The following SLC8A1 variants were observed in gnomAD, a reference collection of about 807,000 sequenced individuals.
SLC8A1 encodes sodium/calcium exchanger 1.
In SLC8A1, 18 loss-of-function variants were observed where a neutral mutation model predicts 68.3. That is an observed-to-expected ratio of 0.26 (90% CI 0.18 to 0.39). SLC8A1 has a LOEUF of 0.39. Among genes scored for constraint, SLC8A1 ranks in the 10% least tolerant of loss-of-function variants. The probability of loss-of-function intolerance (pLI) is 1.00; values close to 1 mark genes in which losing one functional copy is unlikely to be tolerated. For synonymous variants in SLC8A1, 475 were observed against 415.5 expected, an observed-to-expected ratio of 1.14 and a Z score of -1.74; for missense variants, 985 against 1,156.7, an observed-to-expected ratio of 0.85 and a Z score of 2.15.
At chr2:40,110,882 A>G (rs2034514704) in exon 8 of SLC8A1, 1 of 152,032 alleles carries the variant, frequency 6.6e-6, no homozygotes, top group African/African-American at 2.4e-5. Context: ...ACCAGAGAAA[A>G]TTTTCTAATT....
chr2:40,309,199 T>C (rs76181025), intron 2 of SLC8A1, among the ~76,000 whole-genome samples: 1,597 of 152,304 alleles, frequency 0.01, 26 homozygotes, highest in African/African-American at 0.036. Flanking sequence ...GTTTATTCCT[T>C]ATTTATCTTC....
At chr2:40,106,386 G>C (rs1318074012) in exon 8 of SLC8A1, 2 of 151,956 alleles carry the variant, frequency 1.3e-5, no homozygotes, top group Non-Finnish European at 2.9e-5. Context: ...AGAACCAACT[G>C]CTCACAGCTT....
chr2:40,218,759 G>A (rs2057875199), intron 2 of SLC8A1, among the ~76,000 whole-genome samples: 1 of 149,370 alleles, frequency 6.7e-6, no homozygotes, highest in East Asian at 1.9e-4. Flanking sequence ...ATCCTTGCTT[G>A]CAGAGATTGG....
chr2:40,185,960 T>G (rs2050624811), intron 2 of SLC8A1, among the ~76,000 whole-genome samples: 1 of 152,164 alleles, frequency 6.6e-6, no homozygotes, highest in Non-Finnish European at 1.5e-5. Flanking sequence ...GCGCCACTGC[T>G]GTGTCTGTCT....
At chr2:40,324,028 TGG>T (rs376852753) in intron 2 of SLC8A1, among the ~76,000 whole-genome samples, 2 of 135,000 alleles carry the variant, frequency 1.5e-5, no homozygotes, top group African/African-American at 2.8e-5. Flanking sequence ...AAGTTAAAGG[TGG>T]GGGGGGGGCT....
intron 2 of SLC8A1, among the ~76,000 whole-genome samples, chr2:40,383,971 T>C (rs1301618937): frequency 6.6e-6 from 1 of 152,074 alleles, no homozygotes; most frequent in Non-Finnish European, 1.5e-5. Context: ...TAATAAATGG[T>C]AAGCACTGGC....
chr2:40,396,346 T>C (rs1299505507), intron 2 of SLC8A1, among the ~76,000 whole-genome samples: 1 of 152,116 alleles, frequency 6.6e-6, no homozygotes, highest in African/African-American at 2.4e-5. Flanking sequence ...TACTCAACCA[T>C]GAATCTCTAC....
chr2:40,494,205 T>C (rs1705524499), intron 1 of SLC8A1, among the ~76,000 whole-genome samples: 1 of 152,114 alleles, frequency 6.6e-6, no homozygotes, highest in African/African-American at 2.4e-5. Flanking sequence ...TTGTAATTGC[T>C]TTCAGCTACC....
At chr2:40,474,114 C>T (rs1576632439) in intron 1 of SLC8A1, among the ~76,000 whole-genome samples, 1 of 152,138 alleles carries the variant, frequency 6.6e-6, no homozygotes, top group Non-Finnish European at 1.5e-5. Flanking sequence ...TAGACTATCT[C>T]CTTACAAGAC....
intron 2 of SLC8A1, among the ~76,000 whole-genome samples, chr2:40,271,140 GCTTT>G (rs1267719465): frequency 4.0e-5 from 6 of 148,926 alleles, no homozygotes; most frequent in African/African-American, 1.3e-4. Context: ...CTCTCTAATG[GCTTT>G]CTGTCACTTA....
chr2:40,132,856 T>C (rs1467195302), intron 7 of SLC8A1, among the ~76,000 whole-genome samples: 2 of 152,202 alleles, frequency 1.3e-5, no homozygotes, highest in Non-Finnish European at 2.9e-5. Flanking sequence ...TGCTTATGCC[T>C]AGATATAGTG....
chr2:40,481,320 T>G (rs1028501998), intron 1 of SLC8A1, among the ~76,000 whole-genome samples: 1 of 152,238 alleles, frequency 6.6e-6, no homozygotes, highest in Non-Finnish European at 1.5e-5. Context: ...CCATATTTAT[T>G]TGAAAGCAGC....
intron 1 of SLC8A1, among the ~76,000 whole-genome samples, chr2:40,458,686 C>T (rs1024936673): frequency 6.6e-6 from 1 of 152,238 alleles, no homozygotes; most frequent in East Asian, 1.9e-4. Flanking sequence ...AGACAGCAAT[C>T]TGACCGAGCC....
chr2:40,262,429 G>A (rs1024902429), intron 2 of SLC8A1, among the ~76,000 whole-genome samples: 9 of 152,156 alleles, frequency 5.9e-5, no homozygotes, highest in African/African-American at 2.2e-4. Context: ...GTGGTGGACT[G>A]AATAAGATCA....
chr2:40,191,857 T>C (rs375790617), intron 2 of SLC8A1, among the ~76,000 whole-genome samples: 35 of 152,184 alleles, frequency 2.3e-4, no homozygotes, highest in African/African-American at 8.0e-4. Context: ...CCAGACATAA[T>C]CTTATAGGGA....
intron 2 of SLC8A1, among the ~76,000 whole-genome samples, chr2:40,202,312 G>C (rs2054534208): frequency 6.6e-6 from 1 of 151,888 alleles, no homozygotes. Context: ...ATAGCTGTTA[G>C]GACACCCCTT....
rs185726062 is a variant in SLC8A1, at chr2:40,214,416, T to C, written c.1809-36561A>G. On this transcript the variant is annotated intron_variant, in intron 2 of 7. Transcript: ENST00000406785. ...CCGTGTTCAGAAGTTGTTTAGCAGATCATTTCTTTGTACACTATCTTTTTT... is the reference window on the plus strand; with the variant it reads ...CCGTGTTCAGAAGTTGTTTAGCAGACCATTTCTTTGTACACTATCTTTTTT... 2.0e-5 allele frequency among the ~76,000 whole-genome samples: 3 copies of C among 151,644 alleles called. No individual in the cohort carries two copies. In the East Asian group the frequency reaches 5.8e-4, roughly 30 times the overall value.
intron 2 of SLC8A1, among the ~76,000 whole-genome samples, chr2:40,353,414 G>A (rs1671717140): frequency 3.9e-5 from 6 of 151,994 alleles, no homozygotes; most frequent in Admixed American, 3.9e-4. Context: ...GTTCTCCGCA[G>A]GCTCTCCAAG....
intron 2 of SLC8A1, among the ~76,000 whole-genome samples, chr2:40,348,352 T>A (rs1669990741): frequency 1.3e-5 from 2 of 152,160 alleles, no homozygotes. Context: ...TGAGAATTGT[T>A]AGGGAAGATC....
Sources: gnomAD v4.1 joint callset for allele counts (sites outside exome capture counted in the v4.1 genomes callset) on GRCh38, gnomAD v4.1.1 for gene constraint, MANE v1.5 for transcripts, NCBI Gene and HGNC (gene_info 2026-07-23, HGNC 2026-07-21) for gene names.